PLEKHH2: variants seen among roughly 807,000 people sequenced by gnomAD.
PLEKHH2 encodes the protein pleckstrin homology, MyTH4 and FERM domain containing H2, also known as pleckstrin homology domain-containing family H member 2.
A neutral mutation model predicts 187.9 loss-of-function variants in PLEKHH2; 129 were observed. The observed-to-expected ratio is 0.69, with a 90% CI of 0.59 to 0.79. The LOEUF (loss-of-function observed/expected upper bound fraction) is 0.79. Among genes scored for constraint, PLEKHH2 ranks in the 30% least tolerant of loss-of-function variants. The probability of loss-of-function intolerance (pLI) is 0.00; values close to 1 mark genes in which losing one functional copy is unlikely to be tolerated. For synonymous variants in PLEKHH2, 686 were observed against 605.6 expected, an observed-to-expected ratio of 1.13 and a Z score of -1.95; for missense variants, 2,076 against 1,751.2, an observed-to-expected ratio of 1.19 and a Z score of -3.31.
intron 1 of PLEKHH2, among the ~76,000 whole-genome samples, chr2:43,638,785 G>C (rs190934278): frequency 6.7e-6 from 1 of 149,224 alleles, no homozygotes; most frequent in Admixed American, 6.7e-5. Flanking sequence ...CCAAGATGGT[G>C]CACTAATACA....
intron 18 of PLEKHH2, 38 bp downstream of exon 18, chr2:43,729,783 A>C: frequency 7.0e-7 from 1 of 1,421,246 alleles, no homozygotes; most frequent in African/African-American, 1.4e-5. Context: ...TTTATGGTTA[A>C]TGAAATGGAC....
At chr2:43,674,347 T>G (rs78382051) in intron 2 of PLEKHH2, among the ~76,000 whole-genome samples, 14 of 152,108 alleles carry the variant, frequency 9.2e-5, no homozygotes, top group Non-Finnish European at 1.8e-4. Context: ...TCCCTGAAAA[T>G]AGAATATAGT....
intron 14 of PLEKHH2, chr2:43,711,893 C>CA (rs58170865): frequency 0.4 from 326,392 of 821,468 alleles, 14,757 homozygotes; most frequent in Admixed American, 0.47. Context: ...GACTCTGTCT[C>CA]AAAAAAAAAA....
At chr2:43,673,696 A>G (rs1667594880) in intron 2 of PLEKHH2, among the ~76,000 whole-genome samples, 1 of 152,232 alleles carries the variant, frequency 6.6e-6, no homozygotes, top group South Asian at 2.1e-4. Flanking sequence ...TTCTGTTTAT[A>G]AATGCTGTGA....
chr2:43,677,849 CCCGGACGGGGCGG>C (rs1158840461), intron 2 of PLEKHH2, among the ~76,000 whole-genome samples: 12 of 147,830 alleles, frequency 8.1e-5, no homozygotes, highest in African/African-American at 2.8e-4. Context: ...CCACCTCCCT[CCCGGACGGGGCGG>C]CTGGCCGGGC....
chr2:43,650,931 C>T (rs1012439874), intron 2 of PLEKHH2, among the ~76,000 whole-genome samples: 1 of 151,952 alleles, frequency 6.6e-6, no homozygotes, highest in East Asian at 1.9e-4. Context: ...AGGCATGAGC[C>T]ACCGCGCCTG....
chr2:43,752,193 C>A (rs1361312412), intron 24 of PLEKHH2, among the ~76,000 whole-genome samples: 1 of 152,096 alleles, frequency 6.6e-6, no homozygotes, highest in Non-Finnish European at 1.5e-5. Flanking sequence ...AAAAGAAAGG[C>A]TTTCATCTTA....
In PLEKHH2 at chr2:43,740,964, C is replaced by G. The variant is rs1354260593; in HGVS notation, c.3142C>G (p.Leu1048Val). The G allele has an allele frequency of 2.5e-6, 4 of 1,613,936 alleles. No individual in the cohort carries two copies. Among genetic ancestry groups the G allele is most frequent in the Non-Finnish European group, 2.5e-6 (3 of 1,179,904 alleles). Residue 1048 changes from leucine to valine, a missense_variant, in exon 21 of 30, where the codon CTC becomes GTC. Physicochemically the swap from Leu to Val is conservative, Grantham distance 32. Transcript: ENST00000282406. ...TGCCCAGGGCTGGCAGCTCTTGGCA[C>G]TCTGCGTTGGGCTCTTCCTTCCCCA... is the stretch of plus-strand genomic sequence containing the variant. ...GPLQGWQLLA[L>V]CVGLFLPHHP...
chr2:43,754,869 CTTTTTTTTTTTTT>C (rs3066318), intron 25 of PLEKHH2, among the ~76,000 whole-genome samples: 1 of 108,782 alleles, frequency 9.2e-6, no homozygotes, highest in Non-Finnish European at 1.8e-5. Flanking sequence ...TTAAAATCAA[CTTTTTTTTTTTTT>C]TTTTTTTTGA....
At chr2:43,717,396 C>A (rs1223081863) in intron 15 of PLEKHH2, among the ~76,000 whole-genome samples, 10 of 150,408 alleles carry the variant, frequency 6.6e-5, no homozygotes, top group Admixed American at 4.0e-4. Context: ...TCAGACTGGG[C>A]AACTGAGTGA....
At chr2:43,742,239 T>G (rs986405832) in intron 21 of PLEKHH2, among the ~76,000 whole-genome samples, 1 of 152,040 alleles carries the variant, frequency 6.6e-6, no homozygotes, top group African/African-American at 2.4e-5. Flanking sequence ...CGACCTCAGG[T>G]GATCTGCCCA....
intron 25 of PLEKHH2, among the ~76,000 whole-genome samples, chr2:43,755,181 C>T (rs1338912329): frequency 1.3e-5 from 2 of 152,040 alleles, no homozygotes; most frequent in South Asian, 2.1e-4. Flanking sequence ...CCAAAATCAG[C>T]ATATTGAAAA....
intron 15 of PLEKHH2, among the ~76,000 whole-genome samples, chr2:43,720,318 G>A (rs1051827194): frequency 6.6e-6 from 1 of 151,830 alleles, no homozygotes; most frequent in African/African-American, 2.4e-5. Flanking sequence ...TTAGATATAG[G>A]GGGTGCACGT....
At chr2:43,739,116 C>A (rs991362418) in intron 20 of PLEKHH2, among the ~76,000 whole-genome samples, 1 of 152,174 alleles carries the variant, frequency 6.6e-6, no homozygotes, top group Non-Finnish European at 1.5e-5. Flanking sequence ...GCCTCGAACT[C>A]CTGATCTCAG....
intron 4 of PLEKHH2, among the ~76,000 whole-genome samples, chr2:43,693,723 C>CAAAAAAAAGAA (rs1668948787): frequency 1.4e-5 from 1 of 69,708 alleles, no homozygotes; most frequent in African/African-American, 6.6e-5. Flanking sequence ...GACTCCATCT[C>CAAAAAAAAGAA]AAAAAAAAAA....
At chr2:43,676,162 A>G in intron 2 of PLEKHH2, 1 of 1,614,064 alleles carries the variant, frequency 6.2e-7, no homozygotes, top group Non-Finnish European at 8.5e-7. Context: ...TGAAGTGTTT[A>G]AGAAATCGTT....
chr2:43,669,376 G>A (rs1667387273), intron 2 of PLEKHH2, among the ~76,000 whole-genome samples: 1 of 152,136 alleles, frequency 6.6e-6, no homozygotes, highest in African/African-American at 2.4e-5. Flanking sequence ...AAATGTTCTG[G>A]AATTAGCAGT....
rs553454649 is a variant in PLEKHH2 at position 43,706,508 on chromosome 2, A to G, written c.1821+92A>G. The G allele has an allele frequency of 7.4e-4, 666 of 895,952 alleles. 1 individual carries two copies. Among genetic ancestry groups the G allele is most frequent in the Non-Finnish European group, 9.3e-4 (527 of 569,516 alleles). The allele number at this position is 895,952 out of a possible 1,614,324, so 55.5% of individuals were successfully genotyped here. A position where few individuals can be genotyped will look rare whatever the true frequency, so the allele number is the denominator to read the frequency against. On this transcript the variant is annotated intron_variant, in intron 10 of 29. Coordinates refer to ENST00000282406, the MANE Select transcript of PLEKHH2 (RefSeq NM_172069.4). ...TCAAGCTCCAGATTCCATTCTTAAC[A>G]TTTTACACAGGCTCTCCCTTTATAG...
intron 2 of PLEKHH2, among the ~76,000 whole-genome samples, chr2:43,673,023 A>G (rs1009293859): frequency 6.6e-6 from 1 of 152,176 alleles, no homozygotes; most frequent in Non-Finnish European, 1.5e-5. Flanking sequence ...ATTTACACTT[A>G]TTTTTAAATA....
Sources: gnomAD v4.1 joint callset for allele counts (sites outside exome capture counted in the v4.1 genomes callset) on GRCh38, gnomAD v4.1.1 for gene constraint, MANE v1.5 for transcripts, NCBI Gene and HGNC (gene_info 2026-07-23, HGNC 2026-07-21) for gene names.